CEP112: variants seen among roughly 807,000 people sequenced by gnomAD.
CEP112 encodes the protein centrosomal protein 112.
A neutral mutation model predicts 153.0 loss-of-function variants in CEP112; 127 were observed. That is an observed-to-expected ratio of 0.83 (90% CI 0.72 to 0.96). The LOEUF (loss-of-function observed/expected upper bound fraction) is 0.96, where lower values mean the gene tolerates loss of function less well. CEP112 is among the 40% of genes least tolerant of loss of function. The probability of loss-of-function intolerance (pLI) is 0.00; values close to 1 mark genes in which losing one functional copy is unlikely to be tolerated. For synonymous variants in CEP112, 358 were observed against 374.4 expected (o/e 0.96, Z 0.51); for missense variants, 1,089 against 1,101.2 (o/e 0.99, Z 0.16).
intron 20 of CEP112, among the ~76,000 whole-genome samples, chr17:65,866,156 C>G (rs1333955446): frequency 6.6e-6 from 1 of 152,182 alleles, no homozygotes; most frequent in Non-Finnish European, 1.5e-5. Flanking sequence ...ATTTCCCCAA[C>G]AGGGTCAGAG....
At chr17:65,750,614 A>G in intron 22 of CEP112, 48 bp downstream of exon 22, 1 of 1,537,330 alleles carries the variant, frequency 6.5e-7, no homozygotes. Context: ...TGGAGGTTTC[A>G]TTTTTGTTTT....
intron 4 of CEP112, among the ~76,000 whole-genome samples, chr17:66,160,913 TG>T (rs2071673085): frequency 1.3e-5 from 2 of 151,888 alleles, no homozygotes; most frequent in South Asian, 4.2e-4. Context: ...ACCTACAGAA[TG>T]GGAGAAAATG....
At chr17:66,002,167 G>A (rs181358018) in intron 17 of CEP112, among the ~76,000 whole-genome samples, 1 of 151,680 alleles carries the variant, frequency 6.6e-6, no homozygotes, top group Admixed American at 6.6e-5. Flanking sequence ...ATCAACTTGA[G>A]CTCTAAACCA....
At chr17:66,132,274 C>T (rs1351067549) in intron 5 of CEP112, among the ~76,000 whole-genome samples, 1 of 142,688 alleles carries the variant, frequency 7.0e-6, no homozygotes, top group African/African-American at 2.6e-5. Context: ...GCAAGACAGA[C>T]ATTCTTATTT....
At chr17:65,849,052 T>C (rs1568111507) in intron 21 of CEP112, among the ~76,000 whole-genome samples, 1 of 152,204 alleles carries the variant, frequency 6.6e-6, no homozygotes. Flanking sequence ...CTCCTCACTG[T>C]TTACCCAATG....
intron 16 of CEP112, among the ~76,000 whole-genome samples, chr17:66,016,903 A>T (rs1049581725): frequency 1.3e-5 from 2 of 152,218 alleles, no homozygotes; most frequent in East Asian, 3.9e-4. Flanking sequence ...GATGGCATGG[A>T]TTTGTGTCCC....
chr17:65,692,286 T>G (rs1267917637), intron 23 of CEP112, among the ~76,000 whole-genome samples: 1 of 148,962 alleles, frequency 6.7e-6, no homozygotes, highest in Non-Finnish European at 1.5e-5. Context: ...TGGAGTGCAG[T>G]GGCACAATCT....
intron 6 of CEP112, among the ~76,000 whole-genome samples, chr17:66,105,578 G>C (rs2068747923): frequency 6.6e-6 from 1 of 152,114 alleles, no homozygotes; most frequent in Admixed American, 6.6e-5. Flanking sequence ...CAGATTGCTT[G>C]AGCTCAGCAG....
intron 8 of CEP112, among the ~76,000 whole-genome samples, chr17:66,089,340 C>A (rs912605009): frequency 6.6e-6 from 1 of 152,034 alleles, no homozygotes; most frequent in African/African-American, 2.4e-5. Flanking sequence ...ATAGCTGACC[C>A]CAAAGAAATG....
intron 12 of CEP112, among the ~76,000 whole-genome samples, chr17:66,044,742 T>C (rs1000272390): frequency 2.4e-4 from 36 of 152,116 alleles, no homozygotes; most frequent in Non-Finnish European, 7.3e-5. Flanking sequence ...TACAAAGTAT[T>C]AGGAAAGATG....
At chr17:65,698,674 C>A (rs910209246) in intron 23 of CEP112, among the ~76,000 whole-genome samples, 1 of 152,084 alleles carries the variant, frequency 6.6e-6, no homozygotes, top group Non-Finnish European at 1.5e-5. Flanking sequence ...CATTCCCCCG[C>A]TTCGTGGCTC....
chr17:65,761,705 C>T (rs1018526966), intron 21 of CEP112, among the ~76,000 whole-genome samples: 24 of 152,198 alleles, frequency 1.6e-4, no homozygotes, highest in Middle Eastern at 3.4e-3. Flanking sequence ...GGGATTTCCA[C>T]CTATCTTTCT....
In CEP112 at chr17:66,130,707, T is replaced by C. The variant is rs576388633; in HGVS notation, c.565-884A>G. On this transcript the variant is annotated intron_variant, in intron 5 of 26. Transcript: ENST00000535342. ...AGGAGAATGGTGTGAACCCGGGAGG[T>C]GGAGCTTGCAGTGAGCCAAGATCAC... Among the ~76,000 whole-genome samples the C allele has an allele frequency of 1.1e-3, 150 of 137,022 alleles. 1 individual carries two copies. The highest frequency in any genetic ancestry group is 2.6e-3 in the African/African-American group (94 of 35,800). 89.9% of individuals were successfully genotyped at this position (137,022 alleles called of 152,430 possible).
At chr17:65,669,764 A>G (rs561250082) in intron 24 of CEP112, among the ~76,000 whole-genome samples, 10 of 152,250 alleles carry the variant, frequency 6.6e-5, no homozygotes, top group East Asian at 5.8e-4. Context: ...TTATCCAGGC[A>G]TGGTGGAGGG....
At chr17:65,975,900 A>T (rs1048047232) in intron 17 of CEP112, among the ~76,000 whole-genome samples, 44 of 152,308 alleles carry the variant, frequency 2.9e-4, no homozygotes, top group African/African-American at 1.0e-3. Flanking sequence ...ACCTATCGTA[A>T]TTTTTTCTTT....
chr17:65,660,448 T>C (rs2046319148), intron 24 of CEP112, among the ~76,000 whole-genome samples: 1 of 99,660 alleles, frequency 1.0e-5, no homozygotes, highest in African/African-American at 4.0e-5. Flanking sequence ...TTTCTCTCTC[T>C]CTCTTCTCTC....
Position 66,063,004 on chromosome 17 carries a change from C to A in CEP112, c.1033G>T (p.Glu345Ter). The A allele has an allele frequency of 6.3e-7, 1 of 1,596,142 alleles. No individual in the cohort carries two copies. The highest frequency in any genetic ancestry group is 1.1e-5 in the South Asian group (1 of 87,190). The change falls in exon 11 of 27, where the codon GAA (glutamate) becomes TAA (stop). Residue 345 changes from glutamate (E) to a stop codon, truncating the protein, a stop_gained. Coordinates refer to ENST00000535342, the MANE Select transcript of CEP112 (RefSeq NM_001199165.4). LOFTEE classifies it high-confidence loss of function. Reference sequence around the variant, plus strand: ...TTATTTAGAGATTCCGTACTTTGTTCACATATCTTTTTCAGCTCTGCAATC... The same window carrying A: ...TTATTTAGAGATTCCGTACTTTGTTAACATATCTTTTTCAGCTCTGCAATC... ...DQIAELKKIC[E>*]QSTESLNNDW...
At chr17:65,776,446 C>T (rs983401456) in intron 21 of CEP112, among the ~76,000 whole-genome samples, 2 of 152,144 alleles carry the variant, frequency 1.3e-5, no homozygotes, top group Admixed American at 1.3e-4. Context: ...CGGATGGTCT[C>T]GATCTCCTGA....
intron 23 of CEP112, among the ~76,000 whole-genome samples, chr17:65,729,589 C>T (rs1263326279): frequency 2.0e-5 from 3 of 152,108 alleles, no homozygotes; most frequent in African/African-American, 7.2e-5. Context: ...TAAAGATTAA[C>T]AATGTCCAAG....
Sources: allele counts gnomAD v4.1 joint callset (sites outside exome capture counted in the v4.1 genomes callset), GRCh38; gene constraint gnomAD v4.1.1; transcripts MANE v1.5; gene names NCBI Gene and HGNC (gene_info 2026-07-23, HGNC 2026-07-21).